EEA1: variants seen among roughly 807,000 people sequenced by gnomAD.
EEA1 encodes early endosome antigen 1, 162kD.
In EEA1, 111 loss-of-function variants were observed where a neutral mutation model predicts 209.2. The ratio of observed to expected loss-of-function variants is 0.53; its 90% confidence interval spans 0.45 to 0.62. The LOEUF (loss-of-function observed/expected upper bound fraction) is 0.62, where lower values mean the gene tolerates loss of function less well. Ranked by LOEUF, EEA1 falls within the 20% of genes least tolerant of loss-of-function variation. The probability of loss-of-function intolerance (pLI) is 0.00; values close to 1 mark genes in which losing one functional copy is unlikely to be tolerated. For missense variants in EEA1, 1,343 were observed against 1,530.8 expected, an observed-to-expected ratio of 0.88 and a Z score of 2.05; for synonymous variants, 536 against 540.6, an observed-to-expected ratio of 0.99 and a Z score of 0.12.
chr12:92,839,336 C>T (rs922208664), intron 10 of EEA1, among the ~76,000 whole-genome samples: 7 of 152,120 alleles, frequency 4.6e-5, no homozygotes, highest in African/African-American at 9.7e-5. Context: ...TCCACTGACT[C>T]GGTTTCAGAT....
intron 2 of EEA1, chr12:92,883,955 C>T: frequency 1.4e-6 from 2 of 1,466,368 alleles, no homozygotes; most frequent in Non-Finnish European, 1.9e-6. Context: ...GGGTTCATCA[C>T]ACATGCCACT....
intron 1 of EEA1, among the ~76,000 whole-genome samples, chr12:92,915,663 T>C (rs1230861534): frequency 6.6e-6 from 1 of 152,198 alleles, no homozygotes; most frequent in Non-Finnish European, 1.5e-5. Flanking sequence ...ATATTTTCCC[T>C]ACAATCTCAA....
At chr12:92,906,645 T>C (rs558362545) in intron 1 of EEA1, among the ~76,000 whole-genome samples, 2 of 152,124 alleles carry the variant, frequency 1.3e-5, no homozygotes, top group South Asian at 2.1e-4. Flanking sequence ...ACCCCGTCTC[T>C]ACTAAAAACA....
intron 1 of EEA1, among the ~76,000 whole-genome samples, chr12:92,914,894 C>T (rs1052533476): frequency 1.5e-4 from 23 of 152,042 alleles, no homozygotes; most frequent in African/African-American, 5.6e-4. Flanking sequence ...GAACTCTTGA[C>T]CTCAGGTGAT....
At position 92,891,653 on chromosome 12, in the gene EEA1, G is replaced by A. The variant is rs780119395; in HGVS notation, c.93C>T (p.Asp31=). The A allele has an allele frequency of 1.7e-5, 28 of 1,606,170 alleles. No homozygotes were observed. The highest frequency in any genetic ancestry group is 2.1e-5 in the Non-Finnish European group (25 of 1,177,038). The change falls in exon 2 of 29, where the codon GAC becomes GAT. Residue 31 remains aspartate, a synonymous_variant. Coordinates refer to ENST00000322349, the MANE Select transcript of EEA1 (RefSeq NM_003566.4). ...CCTCTGAAGAGCTTTCATTATTGAC[G>A]TCCACTGTGTTTATAGGAGTTGCTG... ...DSSATPINTV[D]VNNESSSEGF... is the part of the protein sequence containing the mutation.
intron 20 of EEA1, among the ~76,000 whole-genome samples, chr12:92,799,569 G>A (rs1182557114): frequency 7.9e-5 from 12 of 151,596 alleles, no homozygotes; most frequent in African/African-American, 1.9e-4. Flanking sequence ...GGAGGATCAC[G>A]AGGTCAGGAG....
At chr12:92,806,195 GAT>G (rs1414540953) in intron 18 of EEA1, among the ~76,000 whole-genome samples, 1 of 151,966 alleles carries the variant, frequency 6.6e-6, no homozygotes, top group Non-Finnish European at 1.5e-5. Flanking sequence ...AAATAAATAA[GAT>G]AGAAAACTGA....
intron 15 of EEA1, among the ~76,000 whole-genome samples, chr12:92,814,093 A>G (rs530847367): frequency 2.0e-4 from 31 of 152,212 alleles, no homozygotes; most frequent in Non-Finnish European, 3.5e-4. Flanking sequence ...ATATTTTGAG[A>G]AAACAGTAAA....
chr12:92,786,059 A>T (rs761131680), intron 22 of EEA1, among the ~76,000 whole-genome samples: 13 of 151,538 alleles, frequency 8.6e-5, no homozygotes, highest in Non-Finnish European at 1.8e-4. Context: ...TGATTTCTAT[A>T]AGACTTTTCC....
At position 92,832,515 on chromosome 12, in the gene EEA1, A is replaced by G; in HGVS notation, c.1251T>C (p.Asn417=). The part of the protein sequence containing the change: ...QHGLQLQSEI[N]QLHSKLLETE... ...AAATAAAATTAACAGCTCTTACTTGATTAATTTCACTTTGGAGTTGTAACC... is the reference window on the plus strand; with the variant it reads ...AAATAAAATTAACAGCTCTTACTTGGTTAATTTCACTTTGGAGTTGTAACC... Residue 417 remains asparagine (N), a synonymous_variant, in exon 11 of 29, where the codon AAT becomes AAC. Coordinates refer to ENST00000322349, the MANE Select transcript of EEA1 (RefSeq NM_003566.4). 1 of 1,604,532 alleles carries G rather than the reference A, an allele frequency of 6.2e-7. No individual in the cohort carries two copies. Among genetic ancestry groups the G allele is most frequent in the Non-Finnish European group, 8.5e-7 (1 of 1,176,676 alleles).
At chr12:92,902,968 T>G (rs1461525111) in intron 1 of EEA1, among the ~76,000 whole-genome samples, 1 of 148,670 alleles carries the variant, frequency 6.7e-6, no homozygotes, top group African/African-American at 2.5e-5. Flanking sequence ...GGAGTCTCGC[T>G]CTGTCACCCA....
intron 22 of EEA1, among the ~76,000 whole-genome samples, chr12:92,785,810 T>G (rs1181010800): frequency 2.0e-5 from 3 of 152,184 alleles, no homozygotes; most frequent in African/African-American, 7.2e-5. Context: ...CAAGGTCCCT[T>G]AACAGTTGTA....
chr12:92,773,661 C>A lies in EEA1; in HGVS notation c.*2350G>T, dbSNP rs1156473495. 6.6e-6 allele frequency: 1 copy of A among 151,584 alleles called. No homozygotes were observed. Among genetic ancestry groups the A allele is most frequent in the East Asian group, 1.9e-4 (1 of 5,196 alleles). The allele number at this position is 151,584 out of a possible 1,614,324, so 9.4% of individuals were successfully genotyped here. A position where few individuals can be genotyped will look rare whatever the true frequency, so the allele number is the denominator to read the frequency against. ...AGCTGTACATGCCAGCTTTAACTGA[C>A]TGACAAAATAATAGTACCAGCAAAC... is the stretch of plus-strand genomic sequence containing the variant. On this transcript the variant is annotated 3_prime_UTR_variant, in exon 29 of 29. Transcript: ENST00000322349.
At chr12:92,902,406 G>A (rs1880185328) in intron 1 of EEA1, among the ~76,000 whole-genome samples, 1 of 152,070 alleles carries the variant, frequency 6.6e-6, no homozygotes, top group Non-Finnish European at 1.5e-5. Flanking sequence ...TAGTAAGCGG[G>A]GCAAGGCAAC....
chr12:92,781,951 T>C lies in EEA1; in HGVS notation c.3335A>G (p.Lys1112Arg). The change falls in exon 23 of 29, where the codon AAG (lysine) becomes AGG (arginine). Residue 1112 changes from lysine (K) to arginine (R), a missense_variant and splice_region_variant. Physicochemically the swap from Lys to Arg is conservative, Grantham distance 26. Around this residue, in one of 3 missense-constraint regions of EEA1, gnomAD observed 1,307 missense variants for 1,465.5 expected, o/e 0.89. Coordinates refer to ENST00000322349, the MANE Select transcript of EEA1 (RefSeq NM_003566.4). ...CKALQDIQKEKSLKEKELVNE... is the reference protein window; with the variant it reads ...CKALQDIQKERSLKEKELVNE... Reference sequence around the variant, plus strand: ...ATTTAGGTCAGAAACATGCAATACCTTTTCTTTCTGAATGTCTTGTAGTGC... The same window carrying C: ...ATTTAGGTCAGAAACATGCAATACCCTTTCTTTCTGAATGTCTTGTAGTGC... 1 of 1,603,410 alleles carries C rather than the reference T, an allele frequency of 6.2e-7. No individual in the cohort carries two copies. The highest frequency in any genetic ancestry group is 2.2e-5 in the East Asian group (1 of 44,718).
chr12:92,891,774 T>A lies in EEA1; in HGVS notation c.25-53A>T, dbSNP rs1879664527. 2.4e-6 allele frequency: 3 copies of A among 1,271,216 alleles called. No homozygotes were observed. The African/African-American group carries it at 4.5e-5, about 19-fold the overall frequency. 78.7% of individuals were successfully genotyped at this position (1,271,216 alleles called of 1,614,324 possible). ...AAAAACAAAGCAGACATTAACAATA[T>A]ATTCATCGGCCATTTAATAATCTAA... On this transcript the variant is annotated intron_variant, in intron 1 of 28. Transcript: ENST00000322349.
intron 2 of EEA1, among the ~76,000 whole-genome samples, chr12:92,880,466 G>A (rs999716274): frequency 6.6e-6 from 1 of 152,014 alleles, no homozygotes; most frequent in Non-Finnish European, 1.5e-5. Flanking sequence ...CACAGTGCCT[G>A]GCTAATTTTT....
At chr12:92,861,732 T>C (rs530332542) in intron 3 of EEA1, among the ~76,000 whole-genome samples, 12 of 151,876 alleles carry the variant, frequency 7.9e-5, no homozygotes, top group Admixed American at 1.3e-4. Flanking sequence ...CAACGTAGAA[T>C]TGCTATCTTT....
In EEA1 at chr12:92,864,834, T is replaced by C. The variant is rs754478081; in HGVS notation, c.245+26A>G. 6 of 1,551,642 alleles carry C rather than the reference T, an allele frequency of 3.9e-6. No individual in the cohort carries two copies. The East Asian group carries it at 1.4e-4, about 37-fold the overall frequency. On this transcript the variant is annotated intron_variant, in intron 3 of 28. Transcript: ENST00000322349. ...ATACCACATGCATATTCCATAACAT[T>C]ATACTTCAAAATTATCATACCGTAC...
Sources: allele counts gnomAD v4.1 joint callset (sites outside exome capture counted in the v4.1 genomes callset), GRCh38; gene constraint gnomAD v4.1.1; regional missense constraint gnomAD v4.1.1; transcripts MANE v1.5; gene names NCBI Gene and HGNC (gene_info 2026-07-23, HGNC 2026-07-21).